The following TRPM1 variants were observed in gnomAD, a reference collection of about 807,000 sequenced individuals.
TRPM1 encodes the protein transient receptor potential cation channel subfamily M member 1, also known as TRPM1-203 APA Isoform, Intron 10.
Under a neutral mutation model 149.4 loss-of-function variants are expected in TRPM1, and 113 were observed. The observed-to-expected ratio is 0.76, with a 90% CI of 0.65 to 0.88. The LOEUF is 0.88. Among genes scored for constraint, TRPM1 ranks in the 40% least tolerant of loss-of-function variants. The probability of loss-of-function intolerance (pLI) is 0.00; values close to 1 mark genes in which losing one functional copy is unlikely to be tolerated. For missense variants in TRPM1, 1,976 were observed against 2,038.7 expected, an observed-to-expected ratio of 0.97 and a Z score of 0.59; for synonymous variants, 741 against 759.5, an observed-to-expected ratio of 0.98 and a Z score of 0.40.
At chr15:31,126,279 G>A (rs1452365332) in intron 1 of TRPM1, among the ~76,000 whole-genome samples, 3 of 152,122 alleles carry the variant, frequency 2.0e-5, no homozygotes, top group African/African-American at 7.2e-5. Context: ...ATTCAAGAAG[G>A]ATACAGATTT....
intron 1 of TRPM1, among the ~76,000 whole-genome samples, chr15:31,122,229 C>T (rs563020169): frequency 6.6e-6 from 1 of 152,290 alleles, no homozygotes; most frequent in South Asian, 2.1e-4. Flanking sequence ...TAACACCATA[C>T]TTAATGGTGA....
In TRPM1 at chr15:31,040,008, G is replaced by T. The variant is rs2033557399; in HGVS notation, c.2316+110C>A. On this transcript the variant is annotated intron_variant, in intron 18 of 27. Coordinates refer to ENST00000256552, the MANE Select transcript of TRPM1 (RefSeq NM_001252024.2). The surrounding 1 kb of genome is among the most constrained non-coding windows in gnomAD (Gnocchi z 4.2). The stretch of plus-strand genomic sequence containing the variant: ...GATTGTCATGGCGTCTCCCTCAGGG[G>T]GTTGCTAGAAGGAATAAATGAAATA... The T allele has an allele frequency of 6.5e-6, 6 of 928,084 alleles. No individual in the cohort carries two copies. The East Asian group carries it at 7.7e-5, about 12-fold the overall frequency. The allele number at this position is 928,084 out of a possible 1,614,324, so 57.5% of individuals were successfully genotyped here.
intron 26 of TRPM1, 116 bp from the exon 27 acceptor site, chr15:31,026,387 G>A: frequency 1.6e-6 from 2 of 1,283,982 alleles, no homozygotes; most frequent in Non-Finnish European, 2.2e-6. Context: ...CACTCCTAAG[G>A]CAGTTCGCCA....
At chr15:31,019,400 T>C (rs1469205570) in intron 27 of TRPM1, among the ~76,000 whole-genome samples, 1 of 152,190 alleles carries the variant, frequency 6.6e-6, no homozygotes, top group African/African-American at 2.4e-5. Context: ...CTCACGTCTT[T>C]CTTTTTTTTG....
intron 27 of TRPM1, among the ~76,000 whole-genome samples, chr15:31,015,340 AG>A (rs1170410430): frequency 9.9e-5 from 15 of 151,634 alleles, no homozygotes; most frequent in Non-Finnish European, 4.4e-5. Flanking sequence ...TGAACCTGGG[AG>A]GCGGAGGCTG....
chr15:31,145,196 T>C (rs2036209704), intron 1 of TRPM1, among the ~76,000 whole-genome samples: 1 of 152,160 alleles, frequency 6.6e-6, no homozygotes, highest in Admixed American at 6.5e-5. Flanking sequence ...CTCATGCCCT[T>C]GATGTGTGAG....
chr15:31,081,568 C>A, intron 1 of TRPM1, 130 bp from the exon 2 acceptor site: 1 of 635,108 alleles, frequency 1.6e-6, no homozygotes, highest in South Asian at 2.0e-5. Context: ...CCAGGGCTCC[C>A]TGACTCCCCA....
rs1386814944 is a variant in TRPM1, at chr15:31,040,263, T to A, written c.2171A>T (p.Glu724Val). 1 of 1,614,160 alleles carries A rather than the reference T, an allele frequency of 6.2e-7. No individual in the cohort carries two copies. The highest frequency in any genetic ancestry group is 8.5e-7 in the Non-Finnish European group (1 of 1,180,028). Reference sequence around the variant, plus strand: ...GGTCGAGTTGCTCCAGTTTTTCAGCTCGTAGGTCAGGAGTTTCATAGCGAT... The same window carrying A: ...GGTCGAGTTGCTCCAGTTTTTCAGCACGTAGGTCAGGAGTTTCATAGCGAT... The part of the protein sequence containing the change: ...EQIAMKLLTY[E>V]LKNWSNSTCL... Residue 724 changes from glutamate (E) to valine (V), a missense_variant, in exon 18 of 28, where the codon GAG becomes GTG. Glu to Val is a moderately radical substitution (Grantham distance 121). Transcript: ENST00000256552. This position sits in a 1 kb window ranked among gnomAD's most constrained non-coding sequence, Gnocchi z 4.2.
intron 1 of TRPM1, among the ~76,000 whole-genome samples, chr15:31,083,377 T>C (rs1200191710): frequency 1.3e-5 from 2 of 152,220 alleles, no homozygotes; most frequent in Non-Finnish European, 2.9e-5. Flanking sequence ...AGGGAGATTA[T>C]ACTTATGGCT....
intron 1 of TRPM1, among the ~76,000 whole-genome samples, chr15:31,088,488 G>A (rs906627997): frequency 1.3e-5 from 2 of 152,150 alleles, no homozygotes; most frequent in Admixed American, 6.5e-5. Flanking sequence ...GCAAGCCCAC[G>A]AACACACCTG....
rs2034264710 is a variant in TRPM1, at chr15:31,062,664, G to A, written c.1004C>T (p.Thr335Ile). ...NESLREQLLV[T>I]IQKTFNYNKA... The stretch of plus-strand genomic sequence containing the variant: ...ATTATAATTAAATGTTTTCTGAATG[G>A]TAACTAGAAGCTGCTCCCTGAGGGA... The change falls in exon 9 of 28, where the codon ACC becomes ATC. Residue 335 changes from threonine (T) to isoleucine (I), a missense_variant. Around this residue, in one of 3 missense-constraint regions of TRPM1, gnomAD observed 1,332 missense variants for 1,347.1 expected, o/e 0.99. Coordinates refer to ENST00000256552, the MANE Select transcript of TRPM1 (RefSeq NM_001252024.2). 1.9e-6 allele frequency: 3 copies of A among 1,613,926 alleles called. No homozygotes were observed. In the East Asian group the frequency reaches 6.7e-5, roughly 36 times the overall value.
rs949125461 is a variant in TRPM1 at position 31,028,277 on chromosome 15, G to GA, written c.3293+54dup. 236 of 1,610,034 alleles carry GA rather than the reference G, an allele frequency of 1.5e-4. 1 individual carries two copies. The African/African-American group carries it at 2.9e-3, about 20-fold the overall frequency. ...CTTGGGAGCGTTCTGAGATTAAATG[G>GA]AAAATCTGTACAGTAATAAATAATA... On this transcript the variant is annotated intron_variant, in intron 25 of 27. Coordinates refer to ENST00000256552, the MANE Select transcript of TRPM1 (RefSeq NM_001252024.2).
chr15:31,108,557 G>T (rs1157898242), intron 1 of TRPM1, among the ~76,000 whole-genome samples: 1 of 152,124 alleles, frequency 6.6e-6, no homozygotes, highest in African/African-American at 2.4e-5. Flanking sequence ...GCAACGGCAC[G>T]ATCTCAGCTC....
chr15:31,028,444 C>A lies in TRPM1; in HGVS notation c.3181G>T (p.Gly1061Cys). The change falls in exon 25 of 28, where the codon GGC (glycine) becomes TGC (cysteine). Residue 1061 changes from glycine to cysteine, a missense_variant. Transcript: ENST00000256552. The stretch of plus-strand genomic sequence containing the variant: ...GGGATACAGGGAGGAAGCCGCTTGC[C>A]CTCCTCATCATATAGGTTCTCACCA... ...PCGENLYDEE[G>C]KRLPPCIPGA... 3 of 1,614,020 alleles carry A rather than the reference C, an allele frequency of 1.9e-6. No individual in the cohort carries two copies. The South Asian group carries it at 3.3e-5, about 18-fold the overall frequency.
At chr15:31,082,076 T>C (rs1391689717) in intron 1 of TRPM1, among the ~76,000 whole-genome samples, 5 of 152,150 alleles carry the variant, frequency 3.3e-5, no homozygotes, top group Admixed American at 6.5e-5. Flanking sequence ...CAAGTTTCAG[T>C]GCAACGATAA....
At position 31,067,152 on chromosome 15, in the gene TRPM1, G is replaced by A; in HGVS notation, c.529C>T (p.His177Tyr). ...ACCCGGCCTCTGGACTTGGAGGAGT[G>A]GTCTTTCAAGGCATCCCCTACGTGG... ...ISHVGDALKD[H>Y]SSKSRGRVCA... The change falls in exon 6 of 28, where the codon CAC becomes TAC. Residue 177 changes from histidine to tyrosine, a missense_variant. By Grantham distance (83) the His-to-Tyr change is moderately conservative. Coordinates refer to ENST00000256552, the MANE Select transcript of TRPM1 (RefSeq NM_001252024.2). 1 of 1,614,082 alleles carries A rather than the reference G, an allele frequency of 6.2e-7. No individual in the cohort carries two copies. The highest frequency in any genetic ancestry group is 8.5e-7 in the Non-Finnish European group (1 of 1,180,032).
intron 21 of TRPM1, among the ~76,000 whole-genome samples, chr15:31,033,801 G>A (rs1416601796): frequency 1.3e-5 from 2 of 152,326 alleles, no homozygotes; most frequent in East Asian, 3.9e-4. Flanking sequence ...AGCAAGGCCA[G>A]GACGGCACAG....
At chr15:31,041,567 C>G (rs1344703177) in intron 17 of TRPM1, among the ~76,000 whole-genome samples, 1 of 152,190 alleles carries the variant, frequency 6.6e-6, no homozygotes, top group African/African-American at 2.4e-5. Context: ...AAGCATGGAG[C>G]AAAATCAGAA....
intron 4 of TRPM1, 154 bp downstream of exon 4, chr15:31,069,877 T>G (rs1415285515): frequency 1.1e-5 from 18 of 1,593,832 alleles, no homozygotes; most frequent in Non-Finnish European, 1.2e-5. Context: ...AAAAGCCATG[T>G]GCACAGATAT....
Sources: allele counts gnomAD v4.1 joint callset (sites outside exome capture counted in the v4.1 genomes callset), GRCh38; gene constraint gnomAD v4.1.1; regional missense constraint gnomAD v4.1.1; non-coding constraint Gnocchi (gnomAD v3.1); transcripts MANE v1.5; gene names NCBI Gene and HGNC (gene_info 2026-07-23, HGNC 2026-07-21).